The following CNTN4 variants were observed in gnomAD, a reference collection of about 807,000 sequenced individuals.
The protein encoded by CNTN4 is contactin-4.
A neutral mutation model predicts 122.5 loss-of-function variants in CNTN4; 77 were observed. That is an observed-to-expected ratio of 0.63 (90% CI 0.52 to 0.76). CNTN4 has a LOEUF of 0.76. Among genes scored for constraint, CNTN4 ranks in the 30% least tolerant of loss-of-function variants. CNTN4 has a pLI of 0.00. For missense variants in CNTN4, 1,256 were observed against 1,259.1 expected (o/e 1.00, Z 0.04); for synonymous variants, 512 against 447.0 (o/e 1.15, Z -1.83).
chr3:2,910,474 G>T (rs1023517495), intron 12 of CNTN4, among the ~76,000 whole-genome samples: 1 of 152,112 alleles, frequency 6.6e-6, no homozygotes, highest in Non-Finnish European at 1.5e-5. Context: ...CTTAAAAGAA[G>T]AAAAGTTTGC....
intron 3 of CNTN4, among the ~76,000 whole-genome samples, chr3:2,488,688 C>T (rs1272506095): frequency 1.3e-5 from 2 of 151,888 alleles, no homozygotes; most frequent in African/African-American, 4.8e-5. Flanking sequence ...TTTTATATGT[C>T]ATTTCACTTA....
rs139407489 is a variant in CNTN4 at position 3,008,783 on chromosome 3, A to G, written c.1487-17319A>G. On this transcript the variant is annotated intron_variant, in intron 14 of 24. Coordinates refer to ENST00000418658, the MANE Select transcript of CNTN4 (RefSeq NM_175607.3). ...ATGCAAAAGTGTTGCAGTTTTTACC[A>G]TTACTTTTAATGCAATTTAAAACGC... Among the ~76,000 whole-genome samples, 1,107 of 152,306 alleles carry G rather than the reference A, an allele frequency of 7.3e-3. 8 individuals carry two copies. The highest frequency in any genetic ancestry group is 0.025 in the African/African-American group (1,052 of 41,558).
chr3:2,866,844 A>G lies in CNTN4; in HGVS notation c.547A>G (p.Lys183Glu), dbSNP rs2093729518. 1.2e-6 allele frequency: 2 copies of G among 1,613,938 alleles called. No individual in the cohort carries two copies. The highest frequency in any genetic ancestry group is 2.7e-5 in the African/African-American group (2 of 74,938). ...SQETGNLYIA[K>E]VEKSDVGNYT... ...AGAGACTGGGAATCTGTATATTGCC[A>G]AAGTAGAAAAATCAGATGTTGGGAA... is the stretch of plus-strand genomic sequence containing the variant. The change falls in exon 8 of 25, where the codon AAA (lysine) becomes GAA (glutamate). Residue 183 changes from lysine to glutamate, a missense_variant. Coordinates refer to ENST00000418658, the MANE Select transcript of CNTN4 (RefSeq NM_175607.3).
At chr3:2,635,046 C>T (rs550556566) in intron 4 of CNTN4, among the ~76,000 whole-genome samples, 5 of 152,126 alleles carry the variant, frequency 3.3e-5, no homozygotes, top group East Asian at 1.9e-4. Flanking sequence ...ACAGATATCT[C>T]GGAACCATCT....
chr3:3,055,527 G>A (rs1376719879), intron 24 of CNTN4, among the ~76,000 whole-genome samples: 2 of 152,176 alleles, frequency 1.3e-5, no homozygotes, highest in Non-Finnish European at 2.9e-5. Context: ...TTCTTACTAT[G>A]AAAAGTGTAA....
intron 2 of CNTN4, among the ~76,000 whole-genome samples, chr3:2,300,807 G>A (rs1162240999): frequency 6.6e-6 from 1 of 151,890 alleles, no homozygotes; most frequent in African/African-American, 2.4e-5. Flanking sequence ...CAGACCTTGT[G>A]ATCCACCCAC....
At chr3:2,920,800 C>G (rs766707280) in intron 12 of CNTN4, among the ~76,000 whole-genome samples, 5 of 94,318 alleles carry the variant, frequency 5.3e-5, no homozygotes, top group Non-Finnish European at 1.2e-4. Flanking sequence ...TTGTAAAATT[C>G]TTTTGTTTCA....
At chr3:3,031,570 G>C (rs1699164572) in intron 16 of CNTN4, among the ~76,000 whole-genome samples, 1 of 130,864 alleles carries the variant, frequency 7.6e-6, no homozygotes, top group South Asian at 2.4e-4. Context: ...ACCTAATTTG[G>C]ACCTAAGAGC....
chr3:2,696,814 G>A (rs571050326), intron 4 of CNTN4, among the ~76,000 whole-genome samples: 22 of 151,850 alleles, frequency 1.4e-4, no homozygotes, highest in Admixed American at 5.9e-4. Context: ...TTAAGGGAAC[G>A]GCTTACATCC....
At chr3:2,393,840 G>A (rs546254886) in intron 3 of CNTN4, among the ~76,000 whole-genome samples, 2 of 151,998 alleles carry the variant, frequency 1.3e-5, no homozygotes, top group Admixed American at 6.6e-5. Flanking sequence ...TTTAGACAGG[G>A]TAGTAGGAAT....
At chr3:2,294,489 G>T (rs1473441974) in intron 2 of CNTN4, among the ~76,000 whole-genome samples, 1 of 151,920 alleles carries the variant, frequency 6.6e-6, no homozygotes, top group Non-Finnish European at 1.5e-5. Context: ...AAAATTGCTG[G>T]GCATGGTGGC....
intron 2 of CNTN4, among the ~76,000 whole-genome samples, chr3:2,154,288 A>C (rs752436147): frequency 1.3e-5 from 2 of 151,830 alleles, no homozygotes; most frequent in African/African-American, 2.4e-5. Flanking sequence ...CATGAAGCTG[A>C]GGCAGGAGAA....
intron 2 of CNTN4, among the ~76,000 whole-genome samples, chr3:2,222,636 A>T (rs1280843050): frequency 1.3e-5 from 2 of 151,728 alleles, no homozygotes; most frequent in Non-Finnish European, 2.9e-5. Context: ...TGAGGGATAT[A>T]AGAATTTATA....
At chr3:2,857,811 T>C (rs187685488) in intron 7 of CNTN4, among the ~76,000 whole-genome samples, 21 of 152,322 alleles carry the variant, frequency 1.4e-4, no homozygotes, top group Admixed American at 1.2e-3. Flanking sequence ...TCTGGGCCAT[T>C]CTTTGTCACA....
chr3:2,833,713 T>C (rs953577884), intron 7 of CNTN4, among the ~76,000 whole-genome samples: 5 of 152,350 alleles, frequency 3.3e-5, no homozygotes, highest in African/African-American at 1.2e-4. Flanking sequence ...TCCAGAGATA[T>C]ATTCAAAGGA....
chr3:2,549,702 T>C (rs974923195), intron 3 of CNTN4, among the ~76,000 whole-genome samples: 2 of 152,200 alleles, frequency 1.3e-5, no homozygotes, highest in African/African-American at 4.8e-5. Context: ...ATCAGGATGA[T>C]GCAGGCCTCA....
intron 2 of CNTN4, among the ~76,000 whole-genome samples, chr3:2,108,540 G>T (rs1205306131): frequency 2.6e-5 from 4 of 152,140 alleles, no homozygotes; most frequent in African/African-American, 9.7e-5. Context: ...GCCACTCGGT[G>T]CAATGGAATT....
At chr3:2,916,238 T>C (rs920386253) in intron 12 of CNTN4, among the ~76,000 whole-genome samples, 20 of 151,842 alleles carry the variant, frequency 1.3e-4, no homozygotes, top group Admixed American at 1.1e-3. Context: ...CATTCTTGGG[T>C]GTTTCTCCGA....
chr3:2,188,732 CT>C (rs2037389721), intron 2 of CNTN4, among the ~76,000 whole-genome samples: 1 of 152,100 alleles, frequency 6.6e-6, no homozygotes, highest in Non-Finnish European at 1.5e-5. Flanking sequence ...GGTGCTGGGC[CT>C]TGGGGTGGGA....
Sources: allele counts gnomAD v4.1 joint callset (sites outside exome capture counted in the v4.1 genomes callset), GRCh38; gene constraint gnomAD v4.1.1; transcripts MANE v1.5; gene names NCBI Gene and HGNC (gene_info 2026-07-23, HGNC 2026-07-21).